SP1: variants seen among roughly 807,000 people sequenced by gnomAD.
SP1 encodes transcription factor Sp1.
Under a neutral mutation model 66.3 loss-of-function variants are expected in SP1, and 6 were observed. That is an observed-to-expected ratio of 0.09 (90% CI 0.05 to 0.18). The LOEUF (loss-of-function observed/expected upper bound fraction) is 0.18, where lower values mean the gene tolerates loss of function less well. SP1 is among the 10% of genes least tolerant of loss of function. The probability of loss-of-function intolerance (pLI) is 1.00; values close to 1 mark genes in which losing one functional copy is unlikely to be tolerated. For synonymous variants in SP1, 417 were observed against 360.8 expected, an observed-to-expected ratio of 1.16 and a Z score of -1.77; for missense variants, 848 against 964.5, an observed-to-expected ratio of 0.88 and a Z score of 1.60.
chr12:53,393,019 T>C (rs186195025), intron 3 of SP1, among the ~76,000 whole-genome samples: 1 of 149,276 alleles, frequency 6.7e-6, no homozygotes, highest in East Asian at 2.0e-4. Context: ...ACAGATGGGG[T>C]TTCACCATGT....
chr12:53,401,558 CAAG>C (rs1464939615), intron 3 of SP1, among the ~76,000 whole-genome samples: 1 of 151,258 alleles, frequency 6.6e-6, no homozygotes, highest in African/African-American at 2.4e-5. Context: ...ACTGCAGAGT[CAAG>C]AAAATTTTGA....
At chr12:53,401,829 C>A (rs1565815129) in intron 3 of SP1, among the ~76,000 whole-genome samples, 2 of 152,228 alleles carry the variant, frequency 1.3e-5, no homozygotes, top group East Asian at 3.9e-4. Flanking sequence ...CCACCACACC[C>A]AGCTAATATT....
At chr12:53,396,162 T>C (rs1938484426) in intron 3 of SP1, among the ~76,000 whole-genome samples, 1 of 150,210 alleles carries the variant, frequency 6.7e-6, no homozygotes, top group South Asian at 2.1e-4. Context: ...GCACCTGTAG[T>C]CCCAGCTACT....
intron 3 of SP1, among the ~76,000 whole-genome samples, chr12:53,395,972 T>C (rs1447377180): frequency 1.3e-5 from 2 of 151,962 alleles, no homozygotes; most frequent in African/African-American, 4.8e-5. Context: ...ATACAAAAAT[T>C]AGCTGGGTGT....
chr12:53,406,020 T>A (rs1321482984), intron 3 of SP1, among the ~76,000 whole-genome samples: 1 of 150,806 alleles, frequency 6.6e-6, no homozygotes, highest in African/African-American at 2.4e-5. Context: ...AACTATGAGA[T>A]TTGATCAGAT....
intron 3 of SP1, among the ~76,000 whole-genome samples, chr12:53,388,230 T>C (rs1214930227): frequency 1.3e-5 from 2 of 152,200 alleles, no homozygotes; most frequent in African/African-American, 4.8e-5. Flanking sequence ...TTGCTCTTCT[T>C]CAGAGCAAAC....
intron 3 of SP1, among the ~76,000 whole-genome samples, chr12:53,389,668 T>A (rs1484265662): frequency 6.6e-6 from 1 of 152,112 alleles, no homozygotes; most frequent in Non-Finnish European, 1.5e-5. Context: ...CCTTTCATTT[T>A]GTAGTCATAT....
At chr12:53,409,671 A>G in intron 5 of SP1, 110 bp downstream of exon 5, 1 of 895,566 alleles carries the variant, frequency 1.1e-6, no homozygotes, top group Non-Finnish European at 1.7e-6. Context: ...GAAACTGAAT[A>G]TATGGGTCAC....
chr12:53,411,310 C>A lies in SP1; in HGVS notation c.*70C>A. 1 of 1,251,784 alleles carries A rather than the reference C, an allele frequency of 8.0e-7. No homozygotes were observed. The highest frequency in any genetic ancestry group is 1.4e-5 in the South Asian group (1 of 71,674). The allele number at this position is 1,251,784 out of a possible 1,614,324, so 77.5% of individuals were successfully genotyped here. On this transcript the variant is annotated 3_prime_UTR_variant, in exon 6 of 6. Coordinates refer to ENST00000327443, the MANE Select transcript of SP1 (RefSeq NM_138473.3). ...CCCCGGGATGCAAGGTAGCATGGGT[C>A]CAAGAGACATGGAAGAGAGAGCCAT...
chr12:53,387,075 C>T lies in SP1; in HGVS notation c.1675+3453C>T, dbSNP rs543531291. On this transcript the variant is annotated intron_variant, in intron 3 of 5. Transcript: ENST00000327443. ...AAGCAATTCTTCTGCCTCAGCCTCC[C>T]GAGTAGCTGGGATTACAGGCACGTC... Among the ~76,000 whole-genome samples, 7 of 151,886 alleles carry T rather than the reference C, an allele frequency of 4.6e-5. No homozygotes were observed. The South Asian group carries it at 1.0e-3, about 23-fold the overall frequency.
intron 3 of SP1, among the ~76,000 whole-genome samples, chr12:53,385,697 G>T (rs1446810555): frequency 1.3e-5 from 2 of 152,070 alleles, no homozygotes; most frequent in Non-Finnish European, 2.9e-5. Flanking sequence ...AACAGATCAT[G>T]AGGTCAGGAG....
rs1372141201 is a variant in SP1 at position 53,382,801 on chromosome 12, C to T, written c.854C>T (p.Thr285Met). The change falls in exon 3 of 6, where the codon ACG becomes ATG. Residue 285 changes from threonine (T) to methionine (M), a missense_variant. Thr to Met is a moderately conservative substitution (Grantham distance 81). Around this residue, in one of 7 missense-constraint regions of SP1, gnomAD observed 606 missense variants for 589.9 expected, o/e 1.03. Coordinates refer to ENST00000327443, the MANE Select transcript of SP1 (RefSeq NM_138473.3). ...ATLTPSSQAV[T>M]ISSSGSQESG... ...TTGACTCCCAGCTCTCAGGCAGTCA[C>T]GATCAGCAGCTCTGGGTCCCAGGAG... 4 of 1,614,046 alleles carry T rather than the reference C, an allele frequency of 2.5e-6. No homozygotes were observed. Among genetic ancestry groups the T allele is most frequent in the East Asian group, 4.5e-5 (2 of 44,904 alleles).
chr12:53,410,424 A>G lies in SP1; in HGVS notation c.2045-503A>G, dbSNP rs570554483. On this transcript the variant is annotated intron_variant, in intron 5 of 5. Transcript: ENST00000327443. ...CTTACTTTTAAAACTGCTAAGTTCT[A>G]CCTTCCTTACCGAGTACTCCCCAAC... Among the ~76,000 whole-genome samples the G allele has an allele frequency of 5.9e-5, 9 of 152,236 alleles. No individual in the cohort carries two copies. The South Asian group carries it at 1.2e-3, about 21-fold the overall frequency.
chr12:53,392,657 TA>T (rs1310748642), intron 3 of SP1, among the ~76,000 whole-genome samples: 1 of 151,678 alleles, frequency 6.6e-6, no homozygotes, highest in Non-Finnish European at 1.5e-5. Context: ...GCGCCCGGCC[TA>T]ATTTTTTTGT....
chr12:53,387,240 T>C (rs1344426656), intron 3 of SP1, among the ~76,000 whole-genome samples: 1 of 152,108 alleles, frequency 6.6e-6, no homozygotes, highest in Admixed American at 6.6e-5. Flanking sequence ...CGTGAGCCAC[T>C]GCGCCTGGCC....
intron 4 of SP1, 146 bp downstream of exon 4, chr12:53,406,899 A>T (rs762328654): frequency 4.7e-6 from 3 of 644,710 alleles, no homozygotes; most frequent in Non-Finnish European, 7.7e-6. Flanking sequence ...ATCTTGGCTC[A>T]CTGCAAACTC....
intron 3 of SP1, among the ~76,000 whole-genome samples, chr12:53,402,312 C>T (rs945410861): frequency 6.6e-6 from 1 of 151,564 alleles, no homozygotes; most frequent in Non-Finnish European, 1.5e-5. Context: ...CAACCTCCGC[C>T]TCCCAAGTTC....
chr12:53,396,588 C>CA (rs1383963013), intron 3 of SP1, among the ~76,000 whole-genome samples: 1 of 152,086 alleles, frequency 6.6e-6, no homozygotes, highest in Non-Finnish European at 1.5e-5. Flanking sequence ...CAAAACAAAA[C>CA]AAAAAACAGA....
At chr12:53,400,692 G>A (rs34652044) in intron 3 of SP1, among the ~76,000 whole-genome samples, 10,236 of 151,114 alleles carry the variant, frequency 0.068, 492 homozygotes, top group Non-Finnish European at 0.1. Context: ...GGGTTCAAGC[G>A]ATTCTCCTGT....
Sources: gnomAD v4.1 joint callset for allele counts (sites outside exome capture counted in the v4.1 genomes callset) on GRCh38, gnomAD v4.1.1 for gene constraint, gnomAD v4.1.1 regional missense constraint, MANE v1.5 for transcripts, NCBI Gene and HGNC (gene_info 2026-07-23, HGNC 2026-07-21) for gene names.